The following PSMD5 variants were observed in gnomAD, a reference collection of about 807,000 sequenced individuals.
PSMD5 encodes the protein proteasome 26S subunit, non-ATPase 5, also known as 26S proteasome non-ATPase regulatory subunit 5.
PSMD5 carries 40 observed loss-of-function variants against 52.1 expected under a neutral mutation model. That is an observed-to-expected ratio of 0.77 (90% CI 0.60 to 1.00). PSMD5 has a LOEUF of 1.00. Ranked by LOEUF, PSMD5 falls within the 50% of genes least tolerant of loss-of-function variation. The probability of loss-of-function intolerance (pLI) is 0.00; values close to 1 mark genes in which losing one functional copy is unlikely to be tolerated. For missense variants in PSMD5, 575 were observed against 605.2 expected (o/e 0.95, Z 0.52); for synonymous variants, 211 against 226.6 (o/e 0.93, Z 0.62).
At chr9:120,841,216 T>C (rs1354591337) in intron 1 of PSMD5, among the ~76,000 whole-genome samples, 1 of 152,248 alleles carries the variant, frequency 6.6e-6, no homozygotes, top group Non-Finnish European at 1.5e-5. Flanking sequence ...GGGAAGATTG[T>C]AATCCTTTTT....
At position 120,821,406 on chromosome 9, in the gene PSMD5, C is replaced by T; in HGVS notation, c.1065G>A (p.Val355=). The change falls in exon 8 of 10, where the codon GTG becomes GTA. Residue 355 remains valine (V), a synonymous_variant. Coordinates refer to ENST00000210313, the MANE Select transcript of PSMD5 (RefSeq NM_005047.4). ...CATCCAAACATCTAATTTTTAGCTCCACTGGGGCATTCTTTGATTGATGTC... is the reference window on the plus strand; with the variant it reads ...CATCCAAACATCTAATTTTTAGCTCTACTGGGGCATTCTTTGATTGATGTC... ...RIGHQSKNAP[V]ELKIRCLDAI... is the part of the protein sequence containing the mutation. 6.2e-7 allele frequency: 1 copy of T among 1,608,958 alleles called. No homozygotes were observed. The highest frequency in any genetic ancestry group is 8.5e-7 in the Non-Finnish European group (1 of 1,177,562).
intron 1 of PSMD5, among the ~76,000 whole-genome samples, chr9:120,841,168 T>C (rs1290116959): frequency 1.3e-5 from 2 of 152,260 alleles, no homozygotes; most frequent in Non-Finnish European, 2.9e-5. Flanking sequence ...TTGCAGATAT[T>C]TGCAATGTTA....
chr9:120,840,671 G>C (rs1266420802), intron 1 of PSMD5, among the ~76,000 whole-genome samples: 1 of 144,884 alleles, frequency 6.9e-6, no homozygotes, highest in Non-Finnish European at 1.5e-5. Context: ...CCAGGCTGAA[G>C]TGCAGTGGAG....
intron 1 of PSMD5, among the ~76,000 whole-genome samples, chr9:120,839,983 G>A (rs962227416): frequency 2.0e-5 from 3 of 151,026 alleles, no homozygotes; most frequent in Non-Finnish European, 3.0e-5. Context: ...TTAGCTGGGC[G>A]TTGTGGTGGT....
chr9:120,842,627 T>A, intron 1 of PSMD5, 110 bp downstream of exon 1: 2 of 1,386,566 alleles, frequency 1.4e-6, no homozygotes, highest in Non-Finnish European at 2.0e-6. Context: ...TTTCGGCTAC[T>A]TTCCACCTCC....
At position 120,833,326 on chromosome 9, in the gene PSMD5, G is replaced by C. The variant is rs768333685; in HGVS notation, c.304C>G (p.Leu102Val). The C allele has an allele frequency of 1.2e-6, 2 of 1,613,862 alleles. No individual in the cohort carries two copies. The highest frequency in any genetic ancestry group is 4.5e-5 in the East Asian group (2 of 44,874). Residue 102 changes from leucine (L) to valine (V), a missense_variant, in exon 2 of 10, where the codon CTC (leucine) becomes GTC (valine). Coordinates refer to ENST00000210313, the MANE Select transcript of PSMD5 (RefSeq NM_005047.4). ...GAATTTCATACCTGGGAAAGAGTGAGGATTTTTACAGAATCATCAGGGTGA... is the reference window on the plus strand; with the variant it reads ...GAATTTCATACCTGGGAAAGAGTGACGATTTTTACAGAATCATCAGGGTGA... ...LIHPDDSVKI[L>V]TLSQIGRIVE...
At chr9:120,832,061 T>C (rs1443336839) in intron 2 of PSMD5, 116 bp from the exon 3 acceptor site, 2 of 1,435,244 alleles carry the variant, frequency 1.4e-6, no homozygotes, top group South Asian at 3.0e-5. Context: ...CACAGCTATA[T>C]ATCAATTCAT....
At position 120,816,889 on chromosome 9, in the gene PSMD5, T is replaced by C. The variant is rs1223638801; in HGVS notation, c.*1017A>G. 4 of 152,186 alleles carry C rather than the reference T, an allele frequency of 2.6e-5. No individual in the cohort carries two copies. Among genetic ancestry groups the C allele is most frequent in the African/African-American group, 9.7e-5 (4 of 41,434 alleles). The allele number at this position is 152,186 out of a possible 1,614,324, so 9.4% of individuals were successfully genotyped here. A position where few individuals can be genotyped will look rare whatever the true frequency, so the allele number is the denominator to read the frequency against. ...TCTCTGATCAACTCAAGATTGACTT[T>C]ATAGGTATGAAAAATCCAAAGCAAA... On this transcript the variant is annotated 3_prime_UTR_variant, in exon 10 of 10. Transcript: ENST00000210313.
At chr9:120,827,744 T>C (rs967450226) in intron 5 of PSMD5, among the ~76,000 whole-genome samples, 1 of 152,154 alleles carries the variant, frequency 6.6e-6, no homozygotes, top group Non-Finnish European at 1.5e-5. Flanking sequence ...TCATTTAAGA[T>C]AAGAAAAATC....
chr9:120,827,219 T>C lies in PSMD5; in HGVS notation c.672-312A>G, dbSNP rs2045128915. On this transcript the variant is annotated intron_variant, in intron 5 of 9. Transcript: ENST00000210313. ...ATTTGTGTTTTATTTTGAAATATCA[T>C]ACACAAAAGTAATGAGAATACAATA... Among the ~76,000 whole-genome samples, 5 of 152,380 alleles carry C rather than the reference T, an allele frequency of 3.3e-5. No homozygotes were observed. In the South Asian group the frequency reaches 1.0e-3, roughly 32 times the overall value.
chr9:120,829,290 T>TAGG lies in PSMD5; in HGVS notation c.562-85_562-83dup. On this transcript the variant is annotated intron_variant, in intron 4 of 9. Transcript: ENST00000210313. ...GATAGATCTCATTTTAAGTTAAATG[T>TAGG]AGGACTAGGTACTTTTTATAAATGA... 2.2e-6 allele frequency: 3 copies of TAGG among 1,343,126 alleles called. No individual in the cohort carries two copies. In the South Asian group the frequency reaches 5.6e-5, roughly 25 times the overall value. The allele number at this position is 1,343,126 out of a possible 1,614,324, so 83.2% of individuals were successfully genotyped here.
Position 120,820,847 on chromosome 9 carries a change from C to CT in PSMD5, c.1248dup (p.Val417SerfsTer17). The CT allele has an allele frequency of 1.3e-6, 2 of 1,582,784 alleles. No individual in the cohort carries two copies. Among genetic ancestry groups the CT allele is most frequent in the Non-Finnish European group, 1.7e-6 (2 of 1,170,838 alleles). The stretch of plus-strand genomic sequence containing the variant: ...TGGAAGTGAATACCTACCGTAAACA[C>CT]TTTTAAGGCAGCACAGTGTAGTTCA... On this transcript the variant is annotated frameshift_variant, in exon 9 of 10. Transcript: ENST00000210313. LOFTEE classifies it high-confidence loss of function.
intron 1 of PSMD5, among the ~76,000 whole-genome samples, chr9:120,841,094 C>G (rs972506269): frequency 1.3e-5 from 2 of 152,048 alleles, no homozygotes; most frequent in African/African-American, 2.4e-5. Context: ...TGTAAAAAAT[C>G]AAAAATAAAA....
chr9:120,833,607 G>C, intron 1 of PSMD5, 151 bp from the exon 2 acceptor site: 1 of 691,810 alleles, frequency 1.4e-6, no homozygotes, highest in East Asian at 3.0e-5. Flanking sequence ...CATTTGCTAA[G>C]TACCTATTAT....
At chr9:120,835,857 C>T (rs1183012166) in intron 1 of PSMD5, among the ~76,000 whole-genome samples, 1 of 152,012 alleles carries the variant, frequency 6.6e-6, no homozygotes, top group Non-Finnish European at 1.5e-5. Flanking sequence ...AATGTGATTA[C>T]AGGTAAAATT....
At chr9:120,835,453 G>A (rs1437581133) in intron 1 of PSMD5, among the ~76,000 whole-genome samples, 7 of 152,122 alleles carry the variant, frequency 4.6e-5, no homozygotes, top group Admixed American at 4.6e-4. Context: ...CGCTAGGCTC[G>A]GTGACTCACG....
intron 1 of PSMD5, among the ~76,000 whole-genome samples, chr9:120,840,147 AAG>A (rs1477623958): frequency 6.0e-4 from 90 of 149,894 alleles, no homozygotes; most frequent in African/African-American, 2.1e-3. Context: ...AAAAAAAAAA[AAG>A]GGCCTCACTC....
In PSMD5 at chr9:120,842,871, C is replaced by G. The variant is rs1488419444; in HGVS notation, c.39G>C (p.Ala13=). The change falls in exon 1 of 10, where the codon GCG becomes GCC. Residue 13 remains alanine, a synonymous_variant. Transcript: ENST00000210313. ...AQALALLREV[A]RLEAPLEELR... ...GCTCCTCCAGCGGCGCTTCCAGCCT[C>G]GCTACCTCTCTCAGCAGCGCCAAAG... 1 of 1,601,718 alleles carries G rather than the reference C, an allele frequency of 6.2e-7. No individual in the cohort carries two copies. The highest frequency in any genetic ancestry group is 8.5e-7 in the Non-Finnish European group (1 of 1,177,608).
intron 1 of PSMD5, among the ~76,000 whole-genome samples, chr9:120,838,591 T>C (rs925520605): frequency 2.6e-5 from 4 of 152,230 alleles, no homozygotes; most frequent in African/African-American, 7.2e-5. Context: ...CAAGGTGCAG[T>C]TGGTATCTAC....
Sources: gnomAD v4.1 joint callset for allele counts (sites outside exome capture counted in the v4.1 genomes callset) on GRCh38, gnomAD v4.1.1 for gene constraint, MANE v1.5 for transcripts, NCBI Gene and HGNC (gene_info 2026-07-23, HGNC 2026-07-21) for gene names.